The following IL17C variants were observed in gnomAD, a reference collection of about 807,000 sequenced individuals.
IL17C encodes the protein interleukin-17C.
IL17C carries 13 observed loss-of-function variants against 11.0 expected under a neutral mutation model. The observed-to-expected ratio is 1.18, with a 90% CI of 0.77 to 1.88. The LOEUF is 1.88. Ranked by LOEUF, IL17C falls within the 40% of genes most tolerant of loss-of-function variation. The pLI, the probability that IL17C is intolerant of heterozygous loss-of-function variation, is 0.00. For missense variants in IL17C, 357 were observed against 278.2 expected, an observed-to-expected ratio of 1.28 and a Z score of -2.01; for synonymous variants, 150 against 125.8, an observed-to-expected ratio of 1.19 and a Z score of -1.29.
In IL17C at chr16:88,639,047, AG is replaced by A; in HGVS notation, c.78del (p.His27ThrfsTer38). The A allele has an allele frequency of 1.2e-6, 2 of 1,609,846 alleles. No homozygotes were observed. The highest frequency in any genetic ancestry group is 1.7e-6 in the Non-Finnish European group (2 of 1,177,754). ...TCLAHHDPSL[R>X]GHPHSHGTPH... ...CCTGGCCCACCATGACCCCTCCCTC[AG>A]GGGGCACCCCCACAGTCACGGTACC... is the stretch of plus-strand genomic sequence containing the variant. On this transcript the variant is annotated frameshift_variant, in exon 2 of 3. Coordinates refer to ENST00000244241, the MANE Select transcript of IL17C (RefSeq NM_013278.4). The surrounding 1 kb of genome is among the most constrained non-coding windows in gnomAD (Gnocchi z 5.1).
Position 88,639,121 on chromosome 16 carries a change from A to G in IL17C, c.147A>G (p.Pro49=). The G allele has an allele frequency of 1.2e-6, 2 of 1,612,732 alleles. No individual in the cohort carries two copies. The highest frequency in any genetic ancestry group is 2.2e-5 in the East Asian group (1 of 44,850). The change falls in exon 2 of 3, where the codon CCA becomes CCG. Residue 49 remains proline, a synonymous_variant. Coordinates refer to ENST00000244241, the MANE Select transcript of IL17C (RefSeq NM_013278.4). The surrounding 1 kb of genome is among the most constrained non-coding windows in gnomAD (Gnocchi z 5.1). ...AEELPLGQAP[P]HLLARGAKWG... is the part of the protein sequence containing the mutation. Reference sequence around the variant, plus strand: ...AACTGCCCCTCGGCCAGGCCCCCCCACACCTGCTGGCTCGAGGTGCCAAGT... The same window carrying G: ...AACTGCCCCTCGGCCAGGCCCCCCCGCACCTGCTGGCTCGAGGTGCCAAGT...
intron 1 of IL17C, 67 bp from the exon 2 acceptor site, chr16:88,638,914 C>G: frequency 7.2e-7 from 1 of 1,385,768 alleles, no homozygotes; most frequent in Non-Finnish European, 9.9e-7. Context: ...ACAAGGAAAG[C>G]TGAGGTGGAA....
chr16:88,639,517 C>T lies in IL17C; in HGVS notation c.335+208C>T, dbSNP rs371543498. Among the ~76,000 whole-genome samples the T allele has an allele frequency of 2.7e-4, 41 of 152,274 alleles. 1 individual carries two copies. The highest frequency in any genetic ancestry group is 2.5e-3 in the East Asian group (13 of 5,168). On this transcript the variant is annotated intron_variant, in intron 2 of 2. Transcript: ENST00000244241. This position sits in a 1 kb window ranked among gnomAD's most constrained non-coding sequence, Gnocchi z 5.1. ...CCTGCCTCCCACTGTCCTAGGTGGC[C>T]AGGGTCCCCTGGGGAAATTCTGGGC...
At chr16:88,638,890 T>C (rs1010342441) in intron 1 of IL17C, 91 bp from the exon 2 acceptor site, 1 of 1,302,672 alleles carries the variant, frequency 7.7e-7, no homozygotes, top group Non-Finnish European at 1.1e-6. Flanking sequence ...CTGTACTCCA[T>C]CTTTCCGCTG....
In IL17C at chr16:88,639,340, G is replaced by C; in HGVS notation, c.335+31G>C. The C allele has an allele frequency of 6.6e-7, 1 of 1,517,278 alleles. No homozygotes were observed. The highest frequency in any genetic ancestry group is 8.8e-7 in the Non-Finnish European group (1 of 1,131,866). 94.0% of individuals were successfully genotyped at this position (1,517,278 alleles called of 1,614,324 possible). A position where few individuals can be genotyped will look rare whatever the true frequency, so the allele number is the denominator to read the frequency against. On this transcript the variant is annotated intron_variant, in intron 2 of 2. Coordinates refer to ENST00000244241, the MANE Select transcript of IL17C (RefSeq NM_013278.4). This position sits in a 1 kb window ranked among gnomAD's most constrained non-coding sequence, Gnocchi z 5.1. ...GACCTGGGGATTCCGCTGTGGCGTG[G>C]GGCTGCCCCTCCCCTGGCGGGGCCC...
Position 88,639,273 on chromosome 16 carries a change from A to T in IL17C, c.299A>T (p.Asp100Val). The change falls in exon 2 of 3, where the codon GAC becomes GTC. Residue 100 changes from aspartate to valine, a missense_variant. Transcript: ENST00000244241. This position sits in a 1 kb window ranked among gnomAD's most constrained non-coding sequence, Gnocchi z 5.1. Reference sequence around the variant, plus strand: ...CGGCCGGAGGAGGTGTTGGAGGCAGACACCCACCAGCGCTCCATCTCACCC... The same window carrying T: ...CGGCCGGAGGAGGTGTTGGAGGCAGTCACCCACCAGCGCTCCATCTCACCC... ...VLRPEEVLEA[D>V]THQRSISPWR... 2 of 1,610,414 alleles carry T rather than the reference A, an allele frequency of 1.2e-6. No individual in the cohort carries two copies. The highest frequency in any genetic ancestry group is 8.5e-7 in the Non-Finnish European group (1 of 1,178,880).
intron 1 of IL17C, 112 bp from the exon 2 acceptor site, chr16:88,638,869 T>C (rs1421914434): frequency 3.4e-6 from 4 of 1,193,628 alleles, no homozygotes; most frequent in African/African-American, 1.5e-5. Flanking sequence ...TCCCCATCTA[T>C]AGAGGGAGGG....
In IL17C at chr16:88,638,922, G is replaced by A. The variant is rs1906970980; in HGVS notation, c.7-59G>A. ...GCTGGGAACAAGGAAAGCTGAGGTG[G>A]AAGTGAGGTGCCCCCTGCCCTGGGC... is the stretch of plus-strand genomic sequence containing the variant. On this transcript the variant is annotated intron_variant, in intron 1 of 2. Coordinates refer to ENST00000244241, the MANE Select transcript of IL17C (RefSeq NM_013278.4). The A allele has an allele frequency of 4.9e-6, 7 of 1,418,502 alleles. No homozygotes were observed. The African/African-American group carries it at 5.7e-5, about 12-fold the overall frequency. The allele number at this position is 1,418,502 out of a possible 1,614,324, so 87.9% of individuals were successfully genotyped here.
At position 88,639,288 on chromosome 16, in the gene IL17C, C is replaced by T; in HGVS notation, c.314C>T (p.Ser105Phe). 1 of 1,606,372 alleles carries T rather than the reference C, an allele frequency of 6.2e-7. No homozygotes were observed. ...TTGGAGGCAGACACCCACCAGCGCT[C>T]CATCTCACCCTGGAGATACCGGTGA... ...EVLEADTHQRSISPWRYRVDT... is the reference protein window; with the variant it reads ...EVLEADTHQRFISPWRYRVDT... The change falls in exon 2 of 3, where the codon TCC becomes TTC. Residue 105 changes from serine to phenylalanine, a missense_variant. Ser to Phe is a radical substitution (Grantham distance 155). Coordinates refer to ENST00000244241, the MANE Select transcript of IL17C (RefSeq NM_013278.4). The surrounding 1 kb of genome is among the most constrained non-coding windows in gnomAD (Gnocchi z 5.1).
chr16:88,638,927 G>C, intron 1 of IL17C, 54 bp from the exon 2 acceptor site: 2 of 1,443,720 alleles, frequency 1.4e-6, no homozygotes, highest in South Asian at 1.3e-5. Context: ...AGGTGGAAGT[G>C]AGGTGCCCCC....
rs1440983073 is a variant in IL17C at position 88,640,129 on chromosome 16, CT to C, written c.*58del. On this transcript the variant is annotated 3_prime_UTR_variant, in exon 3 of 3. Coordinates refer to ENST00000244241, the MANE Select transcript of IL17C (RefSeq NM_013278.4). ...ACGTGTGCTCCCCAGAGGGCACCCC[CT>C]ATTTATGTGTATTTATTGTTATTTA... 20 of 1,494,734 alleles carry C rather than the reference CT, an allele frequency of 1.3e-5. No homozygotes were observed. In the Admixed American group the frequency reaches 3.0e-4, roughly 22 times the overall value. The allele number at this position is 1,494,734 out of a possible 1,614,324, so 92.6% of individuals were successfully genotyped here.
chr16:88,639,781 G>A lies in IL17C; in HGVS notation c.336-33G>A, dbSNP rs528287250. 2.1e-5 allele frequency: 31 copies of A among 1,505,206 alleles called. 1 individual carries two copies. In the South Asian group the frequency reaches 2.7e-4, roughly 13 times the overall value. 93.2% of individuals were successfully genotyped at this position (1,505,206 alleles called of 1,614,324 possible). On this transcript the variant is annotated intron_variant, in intron 2 of 2. Transcript: ENST00000244241. This position sits in a 1 kb window ranked among gnomAD's most constrained non-coding sequence, Gnocchi z 5.1. Reference sequence around the variant, plus strand: ...AGGGGCCTCCAGGAGGACAGGGTAGGGCCAGAGACTCACTGTGCACCCCGT... The same window carrying A: ...AGGGGCCTCCAGGAGGACAGGGTAGAGCCAGAGACTCACTGTGCACCCCGT...
chr16:88,640,216 C>G lies in IL17C; in HGVS notation c.*144C>G, dbSNP rs1322570224. 2.7e-5 allele frequency: 24 copies of G among 890,100 alleles called. No homozygotes were observed. Among genetic ancestry groups the G allele is most frequent in the Admixed American group, 1.3e-4 (4 of 31,708 alleles). The allele number at this position is 890,100 out of a possible 1,614,324, so 55.1% of individuals were successfully genotyped here. ...ATTCCCCGTGTCTGGAGGACAGCCC[C>G]CCACTGTTCTCCTCATCTCCAGCCT... On this transcript the variant is annotated 3_prime_UTR_variant, in exon 3 of 3. Coordinates refer to ENST00000244241, the MANE Select transcript of IL17C (RefSeq NM_013278.4).
Position 88,640,103 on chromosome 16 carries a change from C to T in IL17C, c.*31C>T, listed in dbSNP as rs1907019313. ...GAGGCCGTGGGGCCCCTAGACTGGACACGTGTGCTCCCCAGAGGGCACCCC... is the reference window on the plus strand; with the variant it reads ...GAGGCCGTGGGGCCCCTAGACTGGATACGTGTGCTCCCCAGAGGGCACCCC... On this transcript the variant is annotated 3_prime_UTR_variant, in exon 3 of 3. Transcript: ENST00000244241. 1.3e-6 allele frequency: 2 copies of T among 1,517,732 alleles called. No individual in the cohort carries two copies. The highest frequency in any genetic ancestry group is 8.8e-7 in the Non-Finnish European group (1 of 1,133,582). 94.0% of individuals were successfully genotyped at this position (1,517,732 alleles called of 1,614,324 possible). A position where few individuals can be genotyped will look rare whatever the true frequency, so the allele number is the denominator to read the frequency against.
At chr16:88,638,785 G>T in intron 1 of IL17C, 138 bp downstream of exon 1, 13 of 1,381,254 alleles carry the variant, frequency 9.4e-6, no homozygotes, top group Non-Finnish European at 1.2e-5. Context: ...GGTAGGGGAG[G>T]CAGCTGCAGA....
chr16:88,639,284 C>T lies in IL17C; in HGVS notation c.310C>T (p.Arg104Cys), dbSNP rs765314143. The T allele has an allele frequency of 3.1e-6, 5 of 1,607,410 alleles. No homozygotes were observed. Among genetic ancestry groups the T allele is most frequent in the African/African-American group, 2.7e-5 (2 of 74,890 alleles). Residue 104 changes from arginine (R) to cysteine (C), a missense_variant, in exon 2 of 3, where the codon CGC becomes TGC. Arg to Cys is a radical substitution (Grantham distance 180, BLOSUM62 -3). Coordinates refer to ENST00000244241, the MANE Select transcript of IL17C (RefSeq NM_013278.4). The surrounding 1 kb of genome is among the most constrained non-coding windows in gnomAD (Gnocchi z 5.1). ...EEVLEADTHQ[R>C]SISPWRYRVD... ...GGTGTTGGAGGCAGACACCCACCAG[C>T]GCTCCATCTCACCCTGGAGATACCG...
chr16:88,640,093 C>G lies in IL17C; in HGVS notation c.*21C>G. 1 of 1,528,380 alleles carries G rather than the reference C, an allele frequency of 6.5e-7. No homozygotes were observed. The highest frequency in any genetic ancestry group is 8.8e-7 in the Non-Finnish European group (1 of 1,137,428). 94.7% of individuals were successfully genotyped at this position (1,528,380 alleles called of 1,614,324 possible). On this transcript the variant is annotated 3_prime_UTR_variant, in exon 3 of 3. Coordinates refer to ENST00000244241, the MANE Select transcript of IL17C (RefSeq NM_013278.4). ...TGTGACCGCCGAGGCCGTGGGGCCC[C>G]TAGACTGGACACGTGTGCTCCCCAG...
chr16:88,640,010 T>C lies in IL17C; in HGVS notation c.532T>C (p.Phe178Leu), dbSNP rs1157229815. The C allele has an allele frequency of 1.2e-6, 2 of 1,604,140 alleles. No individual in the cohort carries two copies. The highest frequency in any genetic ancestry group is 1.3e-5 in the African/African-American group (1 of 74,712). The change falls in exon 3 of 3, where the codon TTC becomes CTC. Residue 178 changes from phenylalanine to leucine, a missense_variant. Coordinates refer to ENST00000244241, the MANE Select transcript of IL17C (RefSeq NM_013278.4). ...SGLPTPGAFAFHTEFIHVPVG... is the reference protein window; with the variant it reads ...SGLPTPGAFALHTEFIHVPVG... ...GCTCCCCACACCTGGGGCCTTTGCC[T>C]TCCACACCGAGTTCATCCACGTCCC...
At position 88,639,943 on chromosome 16, in the gene IL17C, G is replaced by C. The variant is rs759445869; in HGVS notation, c.465G>C (p.Leu155=). ...ACTCCGTGCGGCTGCTCCAGAGCCT[G>C]CTGGTGCTGCGCCGCCGGCCCTGCT... ...ALNSVRLLQS[L]LVLRRRPCSR... is the part of the protein sequence containing the mutation. Residue 155 remains leucine, a synonymous_variant, in exon 3 of 3, where the codon CTG becomes CTC. Coordinates refer to ENST00000244241, the MANE Select transcript of IL17C (RefSeq NM_013278.4). This position sits in a 1 kb window ranked among gnomAD's most constrained non-coding sequence, Gnocchi z 5.1. The C allele has an allele frequency of 2.5e-6, 4 of 1,610,284 alleles. No individual in the cohort carries two copies. Among genetic ancestry groups the C allele is most frequent in the Non-Finnish European group, 3.4e-6 (4 of 1,179,186 alleles).
Sources: allele counts gnomAD v4.1 joint callset (sites outside exome capture counted in the v4.1 genomes callset), GRCh38; gene constraint gnomAD v4.1.1; non-coding constraint Gnocchi (gnomAD v3.1); transcripts MANE v1.5; gene names NCBI Gene and HGNC (gene_info 2026-07-23, HGNC 2026-07-21).